Variants in DIP2C observed in about 807,000 individuals in gnomAD.
The protein encoded by DIP2C is DIP2 acetate--CoA ligase C (putative).
In DIP2C, 33 loss-of-function variants were observed where a neutral mutation model predicts 192.4. The ratio of observed to expected loss-of-function variants is 0.17; its 90% confidence interval spans 0.13 to 0.23. The LOEUF (loss-of-function observed/expected upper bound fraction) is 0.23. DIP2C is among the 10% of genes least tolerant of loss of function. The pLI is 1.00. For missense variants in DIP2C, 1,537 were observed against 2,110.1 expected (o/e 0.73, Z 5.32); for synonymous variants, 979 against 864.1 (o/e 1.13, Z -2.33).
intron 31 of DIP2C, among the ~76,000 whole-genome samples, chr10:317,000 A>T (rs1956804035): frequency 6.6e-6 from 1 of 152,226 alleles, no homozygotes; most frequent in African/African-American, 2.4e-5. Flanking sequence ...TGTATTAACC[A>T]GATTGTTCCG....
chr10:387,006 C>T (rs542205137), intron 14 of DIP2C, among the ~76,000 whole-genome samples: 30 of 152,190 alleles, frequency 2.0e-4, no homozygotes, highest in African/African-American at 6.3e-4. Flanking sequence ...ACAACACACA[C>T]AGACTGCCAT....
chr10:349,313 C>T lies in DIP2C; in HGVS notation c.3109+18G>A, dbSNP rs1958674866. 1.3e-6 allele frequency: 2 copies of T among 1,594,894 alleles called. No individual in the cohort carries two copies. Among genetic ancestry groups the T allele is most frequent in the Admixed American group, 1.7e-5 (1 of 59,662 alleles). ...CCGGCTTGCCATCTCTCAGGGGAAG[C>T]CCACCCTGCGCCTGTACCTGGGGGG... On this transcript the variant is annotated intron_variant, in intron 25 of 36. Coordinates refer to ENST00000280886, the MANE Select transcript of DIP2C (RefSeq NM_014974.3).
At chr10:460,477 T>TA (rs1490868067) in intron 3 of DIP2C, among the ~76,000 whole-genome samples, 2 of 152,174 alleles carry the variant, frequency 1.3e-5, no homozygotes, top group Non-Finnish European at 2.9e-5. Flanking sequence ...GTCATGGGTT[T>TA]AGAAATGAAA....
intron 3 of DIP2C, among the ~76,000 whole-genome samples, chr10:463,697 G>A (rs1156232258): frequency 6.6e-6 from 1 of 152,090 alleles, no homozygotes; most frequent in Non-Finnish European, 1.5e-5. Flanking sequence ...ACAATCCTAA[G>A]CAAAAAGAAC....
At chr10:335,305 A>C (rs1957707514) in intron 29 of DIP2C, among the ~76,000 whole-genome samples, 1 of 152,234 alleles carries the variant, frequency 6.6e-6, no homozygotes, top group Non-Finnish European at 1.5e-5. Flanking sequence ...ATGGTGAATC[A>C]CTGACCTGAT....
chr10:600,445 T>G lies in DIP2C; in HGVS notation c.85+89049A>C, dbSNP rs539753511. ...GCCACGACAGCCCAGGGTGTGCAGA[T>G]GCTCCGGAGCCACCCGACAGCCCTT... On this transcript the variant is annotated intron_variant, in intron 1 of 36. Coordinates refer to ENST00000280886, the MANE Select transcript of DIP2C (RefSeq NM_014974.3). Among the ~76,000 whole-genome samples the G allele has an allele frequency of 2.7e-5, 4 of 150,262 alleles. No homozygotes were observed. In the South Asian group the frequency reaches 8.3e-4, roughly 31 times the overall value.
intron 32 of DIP2C, among the ~76,000 whole-genome samples, chr10:300,941 TAA>T (rs1956014698): frequency 6.6e-6 from 1 of 152,244 alleles, no homozygotes; most frequent in Non-Finnish European, 1.5e-5. Flanking sequence ...TATTAAATCA[TAA>T]AAGACATCTT....
At chr10:293,669 A>G (rs1419995415) in intron 32 of DIP2C, among the ~76,000 whole-genome samples, 4 of 152,262 alleles carry the variant, frequency 2.6e-5, no homozygotes, top group South Asian at 2.1e-4. Context: ...TGGGATTTTA[A>G]TATCTTGCCA....
At chr10:444,764 T>C (rs1042456633) in intron 3 of DIP2C, among the ~76,000 whole-genome samples, 1 of 152,272 alleles carries the variant, frequency 6.6e-6, no homozygotes, top group African/African-American at 2.4e-5. Flanking sequence ...TTCAGTATTT[T>C]GTACATTTTT....
intron 10 of DIP2C, 89 bp from the exon 11 acceptor site, chr10:390,952 C>G (rs1031647583): frequency 1.9e-5 from 30 of 1,539,102 alleles, no homozygotes; most frequent in East Asian, 1.4e-4. Context: ...CACACAGACC[C>G]TCGAGTCTGC....
intron 36 of DIP2C, among the ~76,000 whole-genome samples, 184 bp from the exon 37 acceptor site, chr10:277,761 A>G (rs1444810072): frequency 2.6e-5 from 4 of 151,354 alleles, no homozygotes; most frequent in African/African-American, 7.3e-5. Context: ...TCCTGGCGAC[A>G]GCACCTGTCG....
chr10:281,137 C>T, intron 36 of DIP2C, 63 bp downstream of exon 36: 4 of 1,596,276 alleles, frequency 2.5e-6, no homozygotes, highest in African/African-American at 1.3e-5. Flanking sequence ...GTGCTCTCCA[C>T]ATTCTCAATG....
At chr10:372,643 G>A (rs774579891) in intron 17 of DIP2C, among the ~76,000 whole-genome samples, 1 of 152,340 alleles carries the variant, frequency 6.6e-6, no homozygotes, top group African/African-American at 2.4e-5. Flanking sequence ...CCTTGCAGAT[G>A]TGCAAGACAC....
At chr10:425,656 AAT>A (rs1340702993) in intron 4 of DIP2C, among the ~76,000 whole-genome samples, 1 of 152,178 alleles carries the variant, frequency 6.6e-6, no homozygotes, top group South Asian at 2.1e-4. Context: ...AGTGGTGACT[AAT>A]ATGACACGGA....
At chr10:426,339 G>A (rs1281647902) in intron 4 of DIP2C, among the ~76,000 whole-genome samples, 2 of 152,120 alleles carry the variant, frequency 1.3e-5, no homozygotes, top group African/African-American at 4.8e-5. Context: ...GAAATTAAAG[G>A]AGATCCAAAT....
chr10:288,485 T>C (rs1409204716), intron 32 of DIP2C, 64 bp from the exon 33 acceptor site: 1 of 1,540,346 alleles, frequency 6.5e-7, no homozygotes, highest in Non-Finnish European at 9.0e-7. Flanking sequence ...CTTCACCAAT[T>C]CACACGAGGT....
chr10:620,350 G>A (rs1279080553), intron 1 of DIP2C, among the ~76,000 whole-genome samples: 1 of 152,054 alleles, frequency 6.6e-6, no homozygotes, highest in African/African-American at 2.4e-5. Flanking sequence ...AGCAGTCAGA[G>A]GCACCTAAAC....
chr10:580,086 C>CCTATGT (rs1850509235), intron 1 of DIP2C, among the ~76,000 whole-genome samples: 1 of 152,116 alleles, frequency 6.6e-6, no homozygotes, highest in Non-Finnish European at 1.5e-5. Context: ...ATATAGCATA[C>CCTATGT]ACATGCACAT....
chr10:588,468 A>G (rs972054766), intron 1 of DIP2C, among the ~76,000 whole-genome samples: 1 of 152,366 alleles, frequency 6.6e-6, no homozygotes, highest in South Asian at 2.1e-4. Context: ...GTGAGCACTC[A>G]TGCTGGAATG....
Sources: gnomAD v4.1 joint callset for allele counts (sites outside exome capture counted in the v4.1 genomes callset) on GRCh38, gnomAD v4.1.1 for gene constraint, MANE v1.5 for transcripts, NCBI Gene and HGNC (gene_info 2026-07-23, HGNC 2026-07-21) for gene names.